METTL15: variants seen among roughly 807,000 people sequenced by gnomAD.
METTL15 encodes 12S rRNA N(4)-cytidine methyltransferase METTL15.
In METTL15, 34 loss-of-function variants were observed where a neutral mutation model predicts 38.3. That is an observed-to-expected ratio of 0.89 (90% CI 0.68 to 1.18). METTL15 has a LOEUF of 1.18. Ranked by LOEUF, METTL15 falls within the 50% of genes most tolerant of loss-of-function variation. The pLI is 0.00. For missense variants in METTL15, 438 were observed against 498.4 expected, an observed-to-expected ratio of 0.88 and a Z score of 1.15; for synonymous variants, 162 against 170.9, an observed-to-expected ratio of 0.95 and a Z score of 0.41.
intron 5 of METTL15, among the ~76,000 whole-genome samples, chr11:28,406,590 A>C (rs1850675845): frequency 6.6e-6 from 1 of 152,210 alleles, no homozygotes; most frequent in Non-Finnish European, 1.5e-5. Flanking sequence ...TTGGGCTGAG[A>C]CAATGGGATC....
At chr11:28,479,651 A>G (rs1165812857) in intron 6 of METTL15, among the ~76,000 whole-genome samples, 1 of 152,170 alleles carries the variant, frequency 6.6e-6, no homozygotes, top group African/African-American at 2.4e-5. Context: ...GATAAATGAT[A>G]TGGCCTTTGA....
intron 5 of METTL15, among the ~76,000 whole-genome samples, chr11:28,378,564 C>T (rs938195062): frequency 6.6e-6 from 1 of 152,176 alleles, no homozygotes; most frequent in South Asian, 2.1e-4. Context: ...CTGGCACTCC[C>T]TAGTGAGATG....
chr11:28,156,736 T>C (rs1850278263), intron 3 of METTL15, among the ~76,000 whole-genome samples: 1 of 152,194 alleles, frequency 6.6e-6, no homozygotes, highest in South Asian at 2.1e-4. Context: ...CAAATTTGTT[T>C]CATTTCTGTG....
At chr11:28,221,013 T>C (rs1853186629) in intron 4 of METTL15, among the ~76,000 whole-genome samples, 1 of 152,170 alleles carries the variant, frequency 6.6e-6, no homozygotes, top group South Asian at 2.1e-4. Flanking sequence ...TCATTTCAAC[T>C]TTGGTGAATC....
intron 5 of METTL15, among the ~76,000 whole-genome samples, chr11:28,367,672 G>T (rs925760321): frequency 6.6e-6 from 1 of 152,094 alleles, no homozygotes; most frequent in Non-Finnish European, 1.5e-5. Context: ...CAAAGTTGGA[G>T]GCATCGTGCT....
intron 5 of METTL15, among the ~76,000 whole-genome samples, chr11:28,376,596 G>C (rs557752513): frequency 6.6e-6 from 1 of 151,566 alleles, no homozygotes; most frequent in Non-Finnish European, 1.5e-5. Context: ...TGCGGCATGG[G>C]TCTTGACTCT....
chr11:28,300,239 T>A (rs970921409), intron 6 of METTL15, among the ~76,000 whole-genome samples: 1 of 152,142 alleles, frequency 6.6e-6, no homozygotes, highest in African/African-American at 2.4e-5. Context: ...TGTTTTCTGA[T>A]TCTGATAAAT....
intron 3 of METTL15, among the ~76,000 whole-genome samples, chr11:28,348,764 A>G (rs537509251): frequency 2.6e-5 from 4 of 152,156 alleles, no homozygotes; most frequent in South Asian, 2.1e-4. Flanking sequence ...AGATTATTCA[A>G]TGGGTTATAA....
rs1849869326 is a variant in METTL15 at position 28,333,456 on chromosome 11, T to C, written c.*2615T>C. 2 of 152,186 alleles carry C rather than the reference T, an allele frequency of 1.3e-5. No individual in the cohort carries two copies. The highest frequency in any genetic ancestry group is 1.9e-4 in the East Asian group (1 of 5,206). 9.4% of individuals were successfully genotyped at this position (152,186 alleles called of 1,614,324 possible). ...TCCTACAGTACACAGAAATAAAAGC[T>C]AATGTTACTATGAATGCGCATTACT... On this transcript the variant is annotated 3_prime_UTR_variant, in exon 7 of 7. Coordinates refer to ENST00000407364, the MANE Select transcript of METTL15 (RefSeq NM_001113528.2).
intron 4 of METTL15, among the ~76,000 whole-genome samples, chr11:28,353,212 G>A (rs1175066963): frequency 2.0e-5 from 3 of 152,134 alleles, no homozygotes; most frequent in Middle Eastern, 3.2e-3. Flanking sequence ...TGACCAACTG[G>A]GCTTGGCAGA....
chr11:28,348,665 A>G (rs937901457), intron 3 of METTL15, among the ~76,000 whole-genome samples: 10 of 150,960 alleles, frequency 6.6e-5, no homozygotes, highest in African/African-American at 2.2e-4. Flanking sequence ...CCACCACTGA[A>G]CTTTGTCTAT....
At chr11:28,353,987 T>C (rs568284703) in intron 4 of METTL15, among the ~76,000 whole-genome samples, 3 of 149,124 alleles carry the variant, frequency 2.0e-5, no homozygotes, top group South Asian at 4.3e-4. Context: ...TATCTTGTAA[T>C]TGTGATTAAA....
At chr11:28,508,446 T>C (rs944680558) in intron 6 of METTL15, among the ~76,000 whole-genome samples, 1 of 152,210 alleles carries the variant, frequency 6.6e-6, no homozygotes, top group African/African-American at 2.4e-5. Flanking sequence ...ACCATCACTA[T>C]TAACTGTAAT....
At chr11:28,328,094 G>T in intron 6 of METTL15, 1 of 1,607,832 alleles carries the variant, frequency 6.2e-7, no homozygotes, top group South Asian at 1.1e-5. Flanking sequence ...CATATTCTTA[G>T]AATACTCTGA....
intron 4 of METTL15, among the ~76,000 whole-genome samples, chr11:28,222,071 C>T (rs1853256088): frequency 6.6e-6 from 1 of 152,312 alleles, no homozygotes; most frequent in East Asian, 1.9e-4. Flanking sequence ...CCACTACTGT[C>T]TTCCAAGCTG....
chr11:28,254,526 G>A (rs1246925103), intron 4 of METTL15, among the ~76,000 whole-genome samples: 1 of 152,084 alleles, frequency 6.6e-6, no homozygotes, highest in Non-Finnish European at 1.5e-5. Context: ...GGTTGCCTTT[G>A]CTTGTGAGGT....
intron 5 of METTL15, among the ~76,000 whole-genome samples, chr11:28,388,936 G>T (rs1850471025): frequency 1.3e-5 from 2 of 151,966 alleles, no homozygotes; most frequent in African/African-American, 2.4e-5. Context: ...GCAGTGTTCG[G>T]TTTTTTGTCC....
At chr11:28,358,117 T>G (rs1318314692) in intron 4 of METTL15, among the ~76,000 whole-genome samples, 1 of 152,128 alleles carries the variant, frequency 6.6e-6, no homozygotes, top group Admixed American at 6.5e-5. Flanking sequence ...TCTACTGTTC[T>G]TAGCTTGAAG....
intron 5 of METTL15, among the ~76,000 whole-genome samples, chr11:28,407,367 G>A (rs901748373): frequency 3.3e-5 from 5 of 152,154 alleles, no homozygotes; most frequent in Non-Finnish European, 5.9e-5. Context: ...TCATCAGAGT[G>A]AATGGACAAC....
Sources: gnomAD v4.1 joint callset for allele counts (sites outside exome capture counted in the v4.1 genomes callset) on GRCh38, gnomAD v4.1.1 for gene constraint, MANE v1.5 for transcripts, NCBI Gene and HGNC (gene_info 2026-07-23, HGNC 2026-07-21) for gene names.